Variants in HERC2 observed in about 807,000 individuals in gnomAD.
HERC2 encodes the protein E3 ubiquitin-protein ligase HERC2.
In HERC2, 102 loss-of-function variants were observed where a neutral mutation model predicts 537.7. The observed-to-expected ratio is 0.19, with a 90% confidence interval of 0.16 to 0.22. HERC2 has a LOEUF of 0.22. Ranked by LOEUF, HERC2 falls within the 10% of genes least tolerant of loss-of-function variation. The pLI is 1.00. For synonymous variants in HERC2, 2,224 were observed against 2,466.2 expected, an observed-to-expected ratio of 0.90 and a Z score of 2.91; for missense variants, 4,236 against 6,198.2, an observed-to-expected ratio of 0.68 and a Z score of 10.63.
Position 28,254,471 on chromosome 15 carries a change from T to C in HERC2, c.2919A>G (p.Glu973=), listed in dbSNP as rs1296683221. 2.5e-6 allele frequency: 4 copies of C among 1,601,520 alleles called. No homozygotes were observed. The highest frequency in any genetic ancestry group is 1.1e-5 in the South Asian group (1 of 87,894). ...GAAATGTTGAGGCATTCGCTTCCTG[T>C]TCATCAATTTCTTTTTCCTTCTGTG... ...KEAQKEKEID[E]QEANASTFHR... Residue 973 remains glutamate (E), a synonymous_variant, in exon 20 of 93, where the codon GAA becomes GAG. Transcript: ENST00000261609.
intron 23 of HERC2, among the ~76,000 whole-genome samples, chr15:28,240,139 G>GC (rs1567057611): frequency 3.3e-5 from 5 of 152,022 alleles, no homozygotes; most frequent in African/African-American, 1.2e-4. Context: ...AATCCAATCA[G>GC]AGGGCGCAGT....
At chr15:28,311,543 G>A (rs944767644) in intron 2 of HERC2, among the ~76,000 whole-genome samples, 2 of 152,082 alleles carry the variant, frequency 1.3e-5, no homozygotes, top group Admixed American at 6.5e-5. Context: ...GGGAACAGAA[G>A]AGGAATGAGA....
chr15:28,115,747 T>C (rs1173333328), intron 88 of HERC2, among the ~76,000 whole-genome samples: 1 of 151,830 alleles, frequency 6.6e-6, no homozygotes, highest in Non-Finnish European at 1.5e-5. Context: ...AGCCTCTAAC[T>C]CTTCACATCC....
At chr15:28,256,032 G>A (rs750571459) in intron 18 of HERC2, 36 bp from the exon 19 acceptor site, 11 of 1,604,780 alleles carry the variant, frequency 6.9e-6, no homozygotes, top group Middle Eastern at 1.6e-4. Context: ...TGAGTGAAAC[G>A]CCATTCCCTC....
chr15:28,182,497 C>T lies in HERC2; in HGVS notation c.8841G>A (p.Lys2947=). 1.9e-6 allele frequency: 3 copies of T among 1,611,854 alleles called. No individual in the cohort carries two copies. The highest frequency in any genetic ancestry group is 1.7e-4 in the Middle Eastern group (1 of 6,004). ...TAGCTGCTGATTCCAGCCCAGCAGC[C>T]TTCTTTCTAATGAGGCTAACCAAAC... is the stretch of plus-strand genomic sequence containing the variant. The part of the protein sequence containing the change: ...KGNSGSLIRK[K]AAGLESAATI... Residue 2947 remains lysine (K), a synonymous_variant, in exon 57 of 93, where the codon AAG becomes AAA. Transcript: ENST00000261609.
intron 5 of HERC2, among the ~76,000 whole-genome samples, chr15:28,278,284 G>A (rs1330430416): frequency 6.6e-6 from 1 of 152,036 alleles, no homozygotes; most frequent in Non-Finnish European, 1.5e-5. Flanking sequence ...TTGGGAGGCT[G>A]AGGTGGGAGA....
Position 28,201,546 on chromosome 15 carries a change from A to C in HERC2, c.7626T>G (p.Gly2542=), listed in dbSNP as rs1398350584. The C allele has an allele frequency of 7.5e-6, 12 of 1,609,716 alleles. No homozygotes were observed. The highest frequency in any genetic ancestry group is 1.0e-5 in the Non-Finnish European group (12 of 1,175,994). Residue 2542 remains glycine, a synonymous_variant, in exon 48 of 93, where the codon GGT becomes GGG. Coordinates refer to ENST00000261609, the MANE Select transcript of HERC2 (RefSeq NM_004667.6). ...ACGTCTGGCTCTCCGTCACAACAGC[A>C]CCAGTAGACTGCAAGAAATAAATAC... is the stretch of plus-strand genomic sequence containing the variant. ...VDDAAYSMST[G]AVVTESQTYK...
In HERC2 at chr15:28,174,522, C is replaced by T. The variant is rs1328074765; in HGVS notation, c.9930G>A (p.Lys3310=). ...PTLVQGLEGQ[K]ITRVACGSSH... is the part of the protein sequence containing the mutation. ...ACGACCCACAAGCCACGCGTGTGAT[C>T]TTCTGGCCTTCTAAGCCTTGCACGA... Residue 3310 remains lysine, a synonymous_variant, in exon 65 of 93, where the codon AAG becomes AAA. Coordinates refer to ENST00000261609, the MANE Select transcript of HERC2 (RefSeq NM_004667.6). 6.2e-7 allele frequency: 1 copy of T among 1,614,018 alleles called. No individual in the cohort carries two copies.
intron 87 of HERC2, 26 bp downstream of exon 87, chr15:28,116,987 T>C: frequency 6.2e-7 from 1 of 1,613,822 alleles, no homozygotes. Context: ...GGGACACAGG[T>C]GCTCCAGCAC....
At chr15:28,240,405 G>A (rs888342910) in intron 23 of HERC2, among the ~76,000 whole-genome samples, 5 of 152,202 alleles carry the variant, frequency 3.3e-5, no homozygotes, top group African/African-American at 7.2e-5. Flanking sequence ...GCGAAAGAGC[G>A]AGACTCCGTC....
chr15:28,319,313 C>T (rs2077171999), intron 2 of HERC2, among the ~76,000 whole-genome samples: 1 of 152,222 alleles, frequency 6.6e-6, no homozygotes, highest in Non-Finnish European at 1.5e-5. Context: ...TGGCCAGGTG[C>T]AGTGGCTCAC....
At chr15:28,245,742 C>T (rs1261256119) in intron 23 of HERC2, 139 bp downstream of exon 23, 1 of 765,702 alleles carries the variant, frequency 1.3e-6, no homozygotes, top group Non-Finnish European at 2.1e-6. Context: ...TTTGGATTAT[C>T]TCCATTTTTT....
rs1903673187 is a variant in HERC2 at position 28,245,994 on chromosome 15, G to C, written c.3464C>G (p.Ala1155Gly). ...GCCACCCAGCAGAGGTACAGCTCCAGCCTCTTGCATGAGACCAGCATTTTT... is the reference window on the plus strand; with the variant it reads ...GCCACCCAGCAGAGGTACAGCTCCACCCTCTTGCATGAGACCAGCATTTTT... ...LSKNAGLMQE[A>G]GAVPLLGGLL... Residue 1155 changes from alanine (A) to glycine (G), a missense_variant, in exon 23 of 93, where the codon GCT (alanine) becomes GGT (glycine). By Grantham distance (60) the Ala-to-Gly change is moderately conservative. Transcript: ENST00000261609. 6.2e-7 allele frequency: 1 copy of C among 1,613,908 alleles called. No homozygotes were observed. Among genetic ancestry groups the C allele is most frequent in the African/African-American group, 1.3e-5 (1 of 74,998 alleles).
rs769954215 is a variant in HERC2, at chr15:28,228,270, A to G, written c.5412T>C (p.Leu1804=). 20 of 1,613,474 alleles carry G rather than the reference A, an allele frequency of 1.2e-5. No individual in the cohort carries two copies. In the Admixed American group the frequency reaches 1.5e-4, roughly 12 times the overall value. ...GGGCCAGCATGCCGGAATTGAGCAG[A>G]AGGTCGAGGTTGTTTGCGCCGTGCT... ...TLQHGANNLD[L]LLNSGMLALT... The change falls in exon 35 of 93, where the codon CTT becomes CTC. Residue 1804 remains leucine, a synonymous_variant. Transcript: ENST00000261609.
chr15:28,280,681 G>A (rs906038097), intron 4 of HERC2, among the ~76,000 whole-genome samples: 3 of 152,132 alleles, frequency 2.0e-5, no homozygotes, highest in African/African-American at 7.2e-5. Context: ...AAGGCAGGTG[G>A]ATCACTTGAG....
intron 16 of HERC2, among the ~76,000 whole-genome samples, chr15:28,257,474 A>C (rs1413499670): frequency 2.0e-5 from 3 of 152,156 alleles, no homozygotes; most frequent in Non-Finnish European, 4.4e-5. Context: ...ATTTGGCCAT[A>C]CCTAAAAAAG....
intron 86 of HERC2, 78 bp downstream of exon 86, chr15:28,121,268 C>T: frequency 3.8e-6 from 5 of 1,319,914 alleles, no homozygotes; most frequent in Non-Finnish European, 4.4e-6. Context: ...GCTACCAGCG[C>T]TCTCGTCCCA....
intron 2 of HERC2, among the ~76,000 whole-genome samples, chr15:28,304,533 A>C (rs1269073911): frequency 6.6e-6 from 1 of 151,552 alleles, no homozygotes; most frequent in Non-Finnish European, 1.5e-5. Context: ...ACGCCTAGCT[A>C]ATTTTTATAT....
At chr15:28,240,925 C>A (rs1366616650) in intron 23 of HERC2, among the ~76,000 whole-genome samples, 1 of 152,112 alleles carries the variant, frequency 6.6e-6, no homozygotes, top group African/African-American at 2.4e-5. Context: ...AAAATAAGTG[C>A]TAAAACTATA....
Sources: gnomAD v4.1 joint callset for allele counts (sites outside exome capture counted in the v4.1 genomes callset) on GRCh38, gnomAD v4.1.1 for gene constraint, MANE v1.5 for transcripts, NCBI Gene and HGNC (gene_info 2026-07-23, HGNC 2026-07-21) for gene names.